TTI1: variants seen among roughly 807,000 people sequenced by gnomAD.
TTI1 encodes the protein TELO2-interacting protein 1 homolog.
TTI1 carries 52 observed loss-of-function variants against 85.4 expected under a neutral mutation model. The observed-to-expected ratio is 0.61, with a 90% CI of 0.49 to 0.77. The LOEUF (loss-of-function observed/expected upper bound fraction) is 0.77. TTI1 is among the 30% of genes least tolerant of loss of function. TTI1 has a pLI of 0.00. For missense variants in TTI1, 1,173 were observed against 1,296.0 expected, an observed-to-expected ratio of 0.91 and a Z score of 1.46; for synonymous variants, 512 against 503.9, an observed-to-expected ratio of 1.02 and a Z score of -0.22.
chr20:38,010,733 C>A (rs1253727240), intron 2 of TTI1, among the ~76,000 whole-genome samples: 2 of 152,094 alleles, frequency 1.3e-5, no homozygotes, highest in Non-Finnish European at 2.9e-5. Context: ...GCCTTGGCCT[C>A]CCAAAGTGCT....
intron 1 of TTI1, among the ~76,000 whole-genome samples, chr20:38,028,867 C>A (rs560362546): frequency 2.2e-4 from 33 of 152,236 alleles, no homozygotes; most frequent in Admixed American, 7.2e-4. Context: ...TGCCACTATG[C>A]CCAGCTAATT....
At chr20:38,001,034 G>C (rs1229919671) in intron 4 of TTI1, among the ~76,000 whole-genome samples, 1 of 152,146 alleles carries the variant, frequency 6.6e-6, no homozygotes, top group Non-Finnish European at 1.5e-5. Flanking sequence ...CAAATAGAAC[G>C]TGCTATTACC....
chr20:38,002,386 G>C (rs2073438109), intron 4 of TTI1, among the ~76,000 whole-genome samples: 1 of 152,192 alleles, frequency 6.6e-6, no homozygotes, highest in Non-Finnish European at 1.5e-5. Context: ...TGGAAATTCA[G>C]TGAATCCCCA....
intron 1 of TTI1, among the ~76,000 whole-genome samples, chr20:38,026,425 C>G (rs1302051618): frequency 6.6e-6 from 1 of 152,162 alleles, no homozygotes; most frequent in Non-Finnish European, 1.5e-5. Flanking sequence ...TCCCAAAATG[C>G]TGGGATTACA....
At chr20:37,998,594 A>C (rs1232584831) in intron 5 of TTI1, among the ~76,000 whole-genome samples, 1 of 152,218 alleles carries the variant, frequency 6.6e-6, no homozygotes, top group African/African-American at 2.4e-5. Flanking sequence ...ATAATACCTT[A>C]CATATATATA....
intron 7 of TTI1, among the ~76,000 whole-genome samples, chr20:37,986,495 G>T (rs969272718): frequency 6.6e-6 from 1 of 152,206 alleles, no homozygotes; most frequent in African/African-American, 2.4e-5. Context: ...CCAAACTCTT[G>T]GAAGGACTGT....
chr20:38,010,063 T>G (rs2073560439), intron 2 of TTI1, among the ~76,000 whole-genome samples: 1 of 152,180 alleles, frequency 6.6e-6, no homozygotes, highest in African/African-American at 2.4e-5. Flanking sequence ...TTATTCGTCT[T>G]TTTCTCTGCT....
Position 38,013,361 on chromosome 20 carries a change from T to C in TTI1, c.456A>G (p.Gly152=). ...GGCCTAACAGTAAAGATACAGCAAA[T>C]CCTAAACGTGGCAGAATGGAGGGCT... ...FYEPSILPRL[G]FAVSLLLGLA... The change falls in exon 2 of 8, where the codon GGA becomes GGG. Residue 152 remains glycine, a synonymous_variant. Coordinates refer to ENST00000373447, the MANE Select transcript of TTI1 (RefSeq NM_001303457.2). 1 of 1,614,048 alleles carries C rather than the reference T, an allele frequency of 6.2e-7. No homozygotes were observed. Among genetic ancestry groups the C allele is most frequent in the South Asian group, 1.1e-5 (1 of 91,082 alleles).
At chr20:38,020,485 GA>G (rs1277639035) in intron 1 of TTI1, among the ~76,000 whole-genome samples, 2 of 150,378 alleles carry the variant, frequency 1.3e-5, no homozygotes, top group Non-Finnish European at 3.0e-5. Context: ...GACACAAAAA[GA>G]AAAAAACTGA....
chr20:38,005,504 A>AT (rs2073483342), intron 3 of TTI1, among the ~76,000 whole-genome samples: 1 of 152,184 alleles, frequency 6.6e-6, no homozygotes, highest in African/African-American at 2.4e-5. Context: ...AGGAAAAAAA[A>AT]CCTGTTAGGA....
intron 5 of TTI1, among the ~76,000 whole-genome samples, chr20:37,997,473 C>T (rs539267566): frequency 1.3e-4 from 20 of 151,844 alleles, no homozygotes; most frequent in Admixed American, 1.3e-4. Context: ...GCAGCCGACT[C>T]GGTGTTCCTT....
rs150253333 is a variant in TTI1, at chr20:37,996,823, G to C, written c.2924C>G (p.Ser975Trp). ...PISARAGPVY[S>W]HTLAFKLQLA... ...CTGCAACTTGAAGGCCAGCGTGTGC[G>C]AGTAAACTGGTCCAGCCCTGGCACT... Residue 975 changes from serine (S) to tryptophan (W), a missense_variant, in exon 6 of 8, where the codon TCG becomes TGG. By Grantham distance (177) the Ser-to-Trp change is radical (BLOSUM62 -3). Coordinates refer to ENST00000373447, the MANE Select transcript of TTI1 (RefSeq NM_001303457.2). The C allele has an allele frequency of 1.5e-5, 24 of 1,613,972 alleles. No individual in the cohort carries two copies. The highest frequency in any genetic ancestry group is 1.9e-5 in the Non-Finnish European group (23 of 1,179,962).
intron 1 of TTI1, among the ~76,000 whole-genome samples, chr20:38,016,585 T>C (rs1483533466): frequency 6.6e-6 from 1 of 152,224 alleles, no homozygotes; most frequent in African/African-American, 2.4e-5. Context: ...CTAGAAACCC[T>C]AGAATCTCTG....
At chr20:38,026,558 C>G (rs1221995662) in intron 1 of TTI1, among the ~76,000 whole-genome samples, 1 of 152,138 alleles carries the variant, frequency 6.6e-6, no homozygotes, top group Non-Finnish European at 1.5e-5. Context: ...ACAGTCAACG[C>G]AGAACCATAT....
intron 1 of TTI1, among the ~76,000 whole-genome samples, chr20:38,018,120 T>C (rs963094084): frequency 6.6e-5 from 10 of 152,140 alleles, no homozygotes; most frequent in Admixed American, 4.6e-4. Context: ...CAGCTAGTAA[T>C]CAAGAGAAAA....
intron 2 of TTI1, among the ~76,000 whole-genome samples, chr20:38,009,036 A>G (rs1270942037): frequency 6.6e-6 from 1 of 152,046 alleles, no homozygotes; most frequent in African/African-American, 2.4e-5. Context: ...CTCCTCCTTC[A>G]GAGATGACCG....
intron 7 of TTI1, chr20:37,987,377 T>G: frequency 2.2e-6 from 1 of 456,710 alleles, no homozygotes; most frequent in South Asian, 1.5e-5. Flanking sequence ...CCCAATACAT[T>G]TTGCGATGCG....
At position 38,002,710 on chromosome 20, in the gene TTI1, G is replaced by A; in HGVS notation, c.2570C>T (p.Pro857Leu). Residue 857 changes from proline to leucine, a missense_variant, in exon 4 of 8, where the codon CCA becomes CTA. Pro to Leu is a moderately conservative substitution (Grantham distance 98). Transcript: ENST00000373447. ...DTRPDVEPPL[P>L]LQIQIAMDVM... is the part of the protein sequence containing the mutation. The stretch of plus-strand genomic sequence containing the variant: ...GTCCATGGCTATTTGGATCTGCAAT[G>A]GCAGTGGTGGCTCCACATCTGGACG... 6.2e-7 allele frequency: 1 copy of A among 1,614,258 alleles called. No homozygotes were observed. The highest frequency in any genetic ancestry group is 1.1e-5 in the South Asian group (1 of 91,092).
intron 5 of TTI1, among the ~76,000 whole-genome samples, 155 bp from the exon 6 acceptor site, chr20:37,997,108 T>C (rs1452035315): frequency 6.6e-6 from 1 of 152,128 alleles, no homozygotes; most frequent in Non-Finnish European, 1.5e-5. Flanking sequence ...TTTGTGATTC[T>C]GACAGTTATG....
Sources: gnomAD v4.1 joint callset for allele counts (sites outside exome capture counted in the v4.1 genomes callset) on GRCh38, gnomAD v4.1.1 for gene constraint, MANE v1.5 for transcripts, NCBI Gene and HGNC (gene_info 2026-07-23, HGNC 2026-07-21) for gene names.